The following LONP2 variants were observed in gnomAD, a reference collection of about 807,000 sequenced individuals.
LONP2 encodes lon peptidase 2, peroxisomal.
Under a neutral mutation model 85.6 loss-of-function variants are expected in LONP2, and 60 were observed. The observed-to-expected ratio is 0.70, with a 90% CI of 0.57 to 0.87. The LOEUF (loss-of-function observed/expected upper bound fraction) is 0.87, where lower values mean the gene tolerates loss of function less well. LONP2 is among the 40% of genes least tolerant of loss of function. The probability of loss-of-function intolerance (pLI) is 0.00; values close to 1 mark genes in which losing one functional copy is unlikely to be tolerated. For missense variants in LONP2, 860 were observed against 1,063.5 expected (o/e 0.81, Z 2.66); for synonymous variants, 395 against 389.7 (o/e 1.01, Z -0.16).
intron 12 of LONP2, chr16:48,344,272 T>A (rs1959900260): frequency 6.6e-6 from 1 of 152,178 alleles, no homozygotes; most frequent in African/African-American, 2.4e-5. Context: ...TTAAAGAATA[T>A]GACTCCAAGT....
At chr16:48,276,138 G>C (rs1972203307) in intron 7 of LONP2, among the ~76,000 whole-genome samples, 1 of 152,178 alleles carries the variant, frequency 6.6e-6, no homozygotes, top group Non-Finnish European at 1.5e-5. Flanking sequence ...CGTCTTTCCT[G>C]TATCTGATTC....
chr16:48,250,611 T>C (rs1971618486), intron 1 of LONP2, among the ~76,000 whole-genome samples: 1 of 152,254 alleles, frequency 6.6e-6, no homozygotes, highest in Non-Finnish European at 1.5e-5. Context: ...GGTTCCTCCT[T>C]GGTTTCTACT....
intron 6 of LONP2, among the ~76,000 whole-genome samples, chr16:48,268,737 TCTC>T (rs943047288): frequency 7.2e-5 from 11 of 152,142 alleles, no homozygotes; most frequent in African/African-American, 2.4e-4. Context: ...TAGTTGTTCT[TCTC>T]CTACTTCACT....
At chr16:48,275,401 C>T (rs891910870) in intron 7 of LONP2, among the ~76,000 whole-genome samples, 1 of 152,124 alleles carries the variant, frequency 6.6e-6, no homozygotes. Flanking sequence ...TATCTAGCCT[C>T]TACTCTGTGG....
chr16:48,353,742 C>G lies in LONP2; in HGVS notation c.*1940C>G, dbSNP rs1419393314. 6.6e-6 allele frequency: 1 copy of G among 152,044 alleles called. No homozygotes were observed. The highest frequency in any genetic ancestry group is 1.5e-5 in the Non-Finnish European group (1 of 68,054). The allele number at this position is 152,044 out of a possible 1,614,324, so 9.4% of individuals were successfully genotyped here. On this transcript the variant is annotated 3_prime_UTR_variant, in exon 15 of 15. Coordinates refer to ENST00000285737, the MANE Select transcript of LONP2 (RefSeq NM_031490.5). ...CAAACTGTGAATTCACTTTCAGCAA[C>G]CAGAGGGCGCTAATCCACACCCACA...
intron 11 of LONP2, among the ~76,000 whole-genome samples, chr16:48,313,957 C>G (rs943166782): frequency 6.6e-6 from 1 of 152,208 alleles, no homozygotes; most frequent in Non-Finnish European, 1.5e-5. Context: ...TTCACAACCT[C>G]GCCAGCATCT....
In LONP2 at chr16:48,299,474, C is replaced by T. The variant is rs188821749; in HGVS notation, c.1535-188C>T. Among the ~76,000 whole-genome samples, 27 of 151,626 alleles carry T rather than the reference C, an allele frequency of 1.8e-4. No individual in the cohort carries two copies. The East Asian group carries it at 3.1e-3, about 18-fold the overall frequency. On this transcript the variant is annotated intron_variant, in intron 9 of 14. Coordinates refer to ENST00000285737, the MANE Select transcript of LONP2 (RefSeq NM_031490.5). ...GTGCATGCCTGTAATCCCAGCTGCT[C>T]GGGAGGGTGAGGCAGGAGAATCACT... is the stretch of plus-strand genomic sequence containing the variant.
At chr16:48,325,819 A>G (rs970861146) in intron 11 of LONP2, among the ~76,000 whole-genome samples, 1 of 152,204 alleles carries the variant, frequency 6.6e-6, no homozygotes, top group Non-Finnish European at 1.5e-5. Context: ...TTAGATTTTG[A>G]GAAACCTCCA....
At chr16:48,260,312 C>T (rs1971847516) in intron 4 of LONP2, among the ~76,000 whole-genome samples, 2 of 152,062 alleles carry the variant, frequency 1.3e-5, no homozygotes, top group Admixed American at 1.3e-4. Flanking sequence ...AAAATAAGTT[C>T]TGGGCTGAAT....
intron 8 of LONP2, among the ~76,000 whole-genome samples, chr16:48,286,476 G>A (rs771994981): frequency 3.3e-5 from 5 of 151,980 alleles, no homozygotes; most frequent in Non-Finnish European, 7.4e-5. Context: ...AATCCAACAT[G>A]TCTTCCTTAG....
chr16:48,256,772 C>G, intron 3 of LONP2, 31 bp downstream of exon 3: 1 of 1,605,360 alleles, frequency 6.2e-7, no homozygotes, highest in Non-Finnish European at 8.5e-7. Flanking sequence ...CGCCAGGTTG[C>G]TTTGTCACTT....
At chr16:48,311,361 CTTTTTTT>C (rs568352293) in intron 11 of LONP2, among the ~76,000 whole-genome samples, 1 of 140,802 alleles carries the variant, frequency 7.1e-6, no homozygotes, top group Non-Finnish European at 1.6e-5. Context: ...ATTCTTTTTT[CTTTTTTT>C]TTTTTGTCTG....
At chr16:48,359,841 G>T (rs1471332654), downstream of LONP2, among the ~76,000 whole-genome samples, 1 of 152,206 alleles carries the variant, frequency 6.6e-6, no homozygotes, top group Non-Finnish European at 1.5e-5. Flanking sequence ...AAATTATCCA[G>T]AATCAGTGGT....
At chr16:48,296,864 C>T (rs573916301) in intron 9 of LONP2, among the ~76,000 whole-genome samples, 6 of 152,032 alleles carry the variant, frequency 3.9e-5, no homozygotes, top group South Asian at 2.1e-4. Context: ...GTCACTGGAG[C>T]GTGCAAAATG....
At chr16:48,324,015 ATGT>A (rs1973319103) in intron 11 of LONP2, among the ~76,000 whole-genome samples, 4 of 152,224 alleles carry the variant, frequency 2.6e-5, no homozygotes, top group East Asian at 1.9e-4. Flanking sequence ...GGCTGGGAAG[ATGT>A]TGTTTTGGAA....
In LONP2 at chr16:48,355,740, C is replaced by G. The variant is rs1372946123; in HGVS notation, c.*3938C>G. On this transcript the variant is annotated 3_prime_UTR_variant, in exon 15 of 15. Coordinates refer to ENST00000285737, the MANE Select transcript of LONP2 (RefSeq NM_031490.5). Reference sequence around the variant, plus strand: ...TATTTTGATTCTATGTCCCTAATGACTAGTGATGTTGAGCATTTTCTAGCA... The same window carrying G: ...TATTTTGATTCTATGTCCCTAATGAGTAGTGATGTTGAGCATTTTCTAGCA... The G allele has an allele frequency of 6.6e-6, 1 of 152,132 alleles. No homozygotes were observed. Among genetic ancestry groups the G allele is most frequent in the Non-Finnish European group, 1.5e-5 (1 of 68,028 alleles). The allele number at this position is 152,132 out of a possible 1,614,324, so 9.4% of individuals were successfully genotyped here. A position where few individuals can be genotyped will look rare whatever the true frequency, so the allele number is the denominator to read the frequency against.
chr16:48,276,937 G>A (rs111505426), intron 7 of LONP2, among the ~76,000 whole-genome samples: 5 of 152,284 alleles, frequency 3.3e-5, no homozygotes, highest in African/African-American at 1.2e-4. Context: ...AGCCATTTCA[G>A]TGTGCATAAA....
intron 11 of LONP2, among the ~76,000 whole-genome samples, chr16:48,303,946 C>G (rs79626106): frequency 0.082 from 12,539 of 152,242 alleles, 554 homozygotes; most frequent in Middle Eastern, 0.11. Flanking sequence ...AGATGGTGCC[C>G]ACTCAGATTG....
rs1409625129 is a variant in LONP2, at chr16:48,351,704, T to C, written c.2461T>C (p.Phe821Leu). The change falls in exon 15 of 15, where the codon TTT becomes CTT. Residue 821 changes from phenylalanine to leucine, a missense_variant. Phe to Leu is a conservative substitution (Grantham distance 22, BLOSUM62 0). Around this residue, in one of 3 missense-constraint regions of LONP2, gnomAD observed 115 missense variants for 129.0 expected, o/e 0.89. Transcript: ENST00000285737. ...IPGNVRQDLS[F>L]VTASCLDEVL... ...AGGCAACGTACGACAGGATTTAAGT[T>C]TTGTCACAGCAAGCTGCCTGGATGA... 5 of 1,614,168 alleles carry C rather than the reference T, an allele frequency of 3.1e-6. No individual in the cohort carries two copies. The South Asian group carries it at 5.5e-5, about 18-fold the overall frequency.
Sources: gnomAD v4.1 joint callset for allele counts (sites outside exome capture counted in the v4.1 genomes callset) on GRCh38, gnomAD v4.1.1 for gene constraint, gnomAD v4.1.1 regional missense constraint, MANE v1.5 for transcripts, NCBI Gene and HGNC (gene_info 2026-07-23, HGNC 2026-07-21) for gene names.